The following PLEKHA6 variants were observed in gnomAD, a reference collection of about 807,000 sequenced individuals.
The protein encoded by PLEKHA6 is pleckstrin homology domain-containing family A member 6.
Under a neutral mutation model 116.7 loss-of-function variants are expected in PLEKHA6, and 60 were observed. The observed-to-expected ratio is 0.51, with a 90% CI of 0.42 to 0.64. The LOEUF (loss-of-function observed/expected upper bound fraction) is 0.64. Among genes scored for constraint, PLEKHA6 ranks in the 30% least tolerant of loss-of-function variants. The pLI is 0.00. For synonymous variants in PLEKHA6, 489 were observed against 556.1 expected, an observed-to-expected ratio of 0.88 and a Z score of 1.70; for missense variants, 1,338 against 1,422.7, an observed-to-expected ratio of 0.94 and a Z score of 0.96.
chr1:204,350,426 G>T (rs1673236941), intron 1 of PLEKHA6, among the ~76,000 whole-genome samples: 1 of 152,242 alleles, frequency 6.6e-6, no homozygotes, highest in Non-Finnish European at 1.5e-5. Context: ...ACTCCTTGAG[G>T]TAAGAGCCAT....
At chr1:204,360,041 A>G (rs1673524240), upstream of PLEKHA6, 1 of 152,286 alleles carries the variant, frequency 6.6e-6, no homozygotes, top group African/African-American at 2.4e-5. Context: ...GAAAAGGTTT[A>G]ACTCCATCCA....
intron 3 of PLEKHA6, among the ~76,000 whole-genome samples, chr1:204,367,149 C>T (rs1025079716): frequency 6.6e-6 from 1 of 152,192 alleles, no homozygotes; most frequent in Non-Finnish European, 1.5e-5. Context: ...TCATGCACCA[C>T]CCCAGCCCAA....
chr1:204,268,147 A>G, intron 4 of PLEKHA6, 61 bp downstream of exon 4: 1 of 1,073,266 alleles, frequency 9.3e-7, no homozygotes, highest in Non-Finnish European at 1.4e-6. Context: ...GCACAGAGGA[A>G]TCCTTATTCT....
chr1:204,240,481 T>C (rs1662650782), intron 17 of PLEKHA6, among the ~76,000 whole-genome samples: 2 of 152,284 alleles, frequency 1.3e-5, no homozygotes, highest in Non-Finnish European at 2.9e-5. Flanking sequence ...TTTGTGCATG[T>C]ATACACTTGT....
At chr1:204,337,848 C>G (rs1195003648) in intron 1 of PLEKHA6, among the ~76,000 whole-genome samples, 1 of 152,216 alleles carries the variant, frequency 6.6e-6, no homozygotes, top group Non-Finnish European at 1.5e-5. Flanking sequence ...GGAGGGCAAA[C>G]CCGTCAACTG....
At chr1:204,245,212 G>T (rs1365606437) in intron 14 of PLEKHA6, among the ~76,000 whole-genome samples, 1 of 152,104 alleles carries the variant, frequency 6.6e-6, no homozygotes, top group East Asian at 1.9e-4. Flanking sequence ...TGCTGGGTGG[G>T]GAAGACGGTA....
rs567901091 is a variant in PLEKHA6 at position 204,246,866 on chromosome 1, T to C, written c.1920+499A>G. On this transcript the variant is annotated intron_variant, in intron 13 of 22. Coordinates refer to ENST00000272203, the MANE Select transcript of PLEKHA6 (RefSeq NM_014935.5). Reference sequence around the variant, plus strand: ...TGTTTTTAAATCCTGCTGGGCACAGTGGCTCATGCCTGTAATCCCAGCAGT... The same window carrying C: ...TGTTTTTAAATCCTGCTGGGCACAGCGGCTCATGCCTGTAATCCCAGCAGT... Among the ~76,000 whole-genome samples, 13 of 152,362 alleles carry C rather than the reference T, an allele frequency of 8.5e-5. No homozygotes were observed. The South Asian group carries it at 2.7e-3, about 32-fold the overall frequency.
intron 1 of PLEKHA6, among the ~76,000 whole-genome samples, chr1:204,374,718 TAGTCTAA>T (rs1673836146): frequency 6.6e-6 from 1 of 152,154 alleles, no homozygotes; most frequent in Non-Finnish European, 1.5e-5. Flanking sequence ...GTGTCTTCTA[TAGTCTAA>T]ACACGCTGCC....
intron 1 of PLEKHA6, chr1:204,311,678 C>A: frequency 1.0e-6 from 1 of 970,434 alleles, no homozygotes; most frequent in Non-Finnish European, 1.2e-6. Context: ...CTCTTTGGAA[C>A]TGAAAGTACC....
chr1:204,323,296 T>C (rs1156462293), intron 1 of PLEKHA6, among the ~76,000 whole-genome samples: 1 of 152,244 alleles, frequency 6.6e-6, no homozygotes, highest in Non-Finnish European at 1.5e-5. Flanking sequence ...TGACATTTAA[T>C]AGGTCTTTTG....
In PLEKHA6 at chr1:204,241,820, G is replaced by T; in HGVS notation, c.2173-6C>A. 1 of 1,614,086 alleles carries T rather than the reference G, an allele frequency of 6.2e-7. No homozygotes were observed. On this transcript the variant is annotated splice_polypyrimidine_tract_variant and splice_region_variant and intron_variant, in intron 15 of 22. Transcript: ENST00000272203. ...TGTTCATAGTTTGCCTTGGGCTGGG[G>T]AGAAAGGGTGAGAAGATGGTTGATG...
Position 204,285,456 on chromosome 1 carries a change from T to G in PLEKHA6, c.-94-10647A>C, listed in dbSNP as rs546597212. On this transcript the variant is annotated intron_variant, in intron 1 of 22. Transcript: ENST00000272203. The stretch of plus-strand genomic sequence containing the variant: ...TTTTTTGTTGTTTTTGTTGTTGTTG[T>G]TGGTTTTTTTTTGGTTGTTTTTGTT... Among the ~76,000 whole-genome samples, 740 of 129,454 alleles carry G rather than the reference T, an allele frequency of 5.7e-3. 10 individuals carry two copies. Among genetic ancestry groups the G allele is most frequent in the African/African-American group, 0.019 (701 of 37,034 alleles). The allele number at this position is 129,454 out of a possible 152,430, so 84.9% of individuals were successfully genotyped here. A position where few individuals can be genotyped will look rare whatever the true frequency, so the allele number is the denominator to read the frequency against.
chr1:204,312,577 T>C (rs61819763), intron 1 of PLEKHA6, among the ~76,000 whole-genome samples: 2,671 of 152,276 alleles, frequency 0.018, 38 homozygotes, highest in Middle Eastern at 0.085. Flanking sequence ...AACACAACGT[T>C]CACCTGGGTC....
chr1:204,315,454 C>A (rs1403200170), intron 1 of PLEKHA6, among the ~76,000 whole-genome samples: 3 of 152,216 alleles, frequency 2.0e-5, no homozygotes, highest in Non-Finnish European at 4.4e-5. Context: ...CCTGCTCTGG[C>A]AGCGTCATTC....
intron 17 of PLEKHA6, 94 bp downstream of exon 17, chr1:204,241,281 T>A: frequency 2.6e-6 from 2 of 767,528 alleles, no homozygotes; most frequent in Non-Finnish European, 4.3e-6. Flanking sequence ...AGCCCTGAAT[T>A]TCTTGAACAG....
In PLEKHA6 at chr1:204,223,504, C is replaced by T. The variant is rs200611277; in HGVS notation, c.3113G>A (p.Arg1038Gln). 26 of 1,548,228 alleles carry T rather than the reference C, an allele frequency of 1.7e-5. No homozygotes were observed. Among genetic ancestry groups the T allele is most frequent in the Middle Eastern group, 1.7e-4 (1 of 5,928 alleles). The change falls in exon 22 of 23, where the codon CGG (arginine) becomes CAG (glutamine). Residue 1038 changes from arginine to glutamine, a missense_variant. Arg to Gln is a conservative substitution (Grantham distance 43). Around this residue, in one of 3 missense-constraint regions of PLEKHA6, gnomAD observed 1,136 missense variants for 1,163.6 expected, o/e 0.98. Transcript: ENST00000272203. The surrounding 1 kb of genome is among the most constrained non-coding windows in gnomAD (Gnocchi z 4.8). ...PANPLSSESP[R>Q]GADSSYTMRV is the part of the protein sequence containing the mutation. ...CATGGTATAGCTGCTGTCGGCGCCC[C>T]GTGGGGATTCAGACGACAGGGGGTT...
At chr1:204,331,388 G>GCAGCC (rs1010427400) in intron 1 of PLEKHA6, among the ~76,000 whole-genome samples, 71 of 152,070 alleles carry the variant, frequency 4.7e-4, no homozygotes, top group African/African-American at 1.5e-3. Flanking sequence ...AGTCCATGCT[G>GCAGCC]CAGCCCAGCC....
At chr1:204,376,219 G>T (rs1190707753) in intron 1 of PLEKHA6, among the ~76,000 whole-genome samples, 1 of 152,222 alleles carries the variant, frequency 6.6e-6, no homozygotes, top group East Asian at 1.9e-4. Context: ...AGATCAGGAA[G>T]AAAGAAGAGA....
intron 1 of PLEKHA6, among the ~76,000 whole-genome samples, chr1:204,373,758 G>A (rs1176866188): frequency 6.6e-6 from 1 of 152,034 alleles, no homozygotes; most frequent in South Asian, 2.1e-4. Context: ...TTTCTCTAAG[G>A]TTGGACACCT....
Sources: allele counts gnomAD v4.1 joint callset (sites outside exome capture counted in the v4.1 genomes callset), GRCh38; gene constraint gnomAD v4.1.1; regional missense constraint gnomAD v4.1.1; non-coding constraint Gnocchi (gnomAD v3.1); transcripts MANE v1.5; gene names NCBI Gene and HGNC (gene_info 2026-07-23, HGNC 2026-07-21).